Variants in FAF1 observed in about 807,000 individuals in gnomAD.
The protein encoded by FAF1 is Fas associated factor 1, also known as FAS-associated factor 1.
Under a neutral mutation model 92.5 loss-of-function variants are expected in FAF1, and 25 were observed. That is an observed-to-expected ratio of 0.27 (90% CI 0.20 to 0.38). FAF1 has a LOEUF of 0.38. Ranked by LOEUF, FAF1 falls within the 10% of genes least tolerant of loss-of-function variation. The pLI, the probability that FAF1 is intolerant of heterozygous loss-of-function variation, is 1.00. For missense variants in FAF1, 636 were observed against 793.3 expected (o/e 0.80, Z 2.38); for synonymous variants, 234 against 273.2 (o/e 0.86, Z 1.42).
At chr1:50,475,336 AAAG>A in intron 18 of FAF1, 125 bp downstream of exon 18, 2 of 705,906 alleles carry the variant, frequency 2.8e-6, no homozygotes, top group Non-Finnish European at 4.9e-6. Context: ...TGTGCAGAAC[AAAG>A]AAGGACTCCT....
At chr1:50,514,854 G>C (rs1647193228) in intron 15 of FAF1, among the ~76,000 whole-genome samples, 1 of 152,114 alleles carries the variant, frequency 6.6e-6, no homozygotes, top group South Asian at 2.1e-4. Context: ...TTATGTTAAG[G>C]CTAAACCAAT....
chr1:50,726,772 T>C (rs772051412), intron 6 of FAF1, among the ~76,000 whole-genome samples: 9 of 152,036 alleles, frequency 5.9e-5, no homozygotes, highest in Non-Finnish European at 1.2e-4. Flanking sequence ...GAACTTGTAG[T>C]GAGCTGAGAT....
At chr1:50,708,041 C>G (rs1014829655) in intron 6 of FAF1, among the ~76,000 whole-genome samples, 12 of 152,230 alleles carry the variant, frequency 7.9e-5, no homozygotes, top group Non-Finnish European at 1.3e-4. Flanking sequence ...AACTCCTGAC[C>G]TCGTGATCCA....
chr1:50,842,879 T>A (rs1301030880), intron 2 of FAF1, among the ~76,000 whole-genome samples: 1 of 152,188 alleles, frequency 6.6e-6, no homozygotes, highest in African/African-American at 2.4e-5. Flanking sequence ...CTGCAGATTA[T>A]CTGACTCCCA....
At chr1:50,468,961 T>C (rs1646535521) in intron 18 of FAF1, among the ~76,000 whole-genome samples, 2 of 152,328 alleles carry the variant, frequency 1.3e-5, no homozygotes, top group South Asian at 4.1e-4. Flanking sequence ...ACAAAATGAA[T>C]AACCTAAAGA....
At chr1:50,780,656 C>A in intron 4 of FAF1, 1 of 217,772 alleles carries the variant, frequency 4.6e-6, no homozygotes. Context: ...CTCACATCTT[C>A]ATCAGTATCA....
intron 4 of FAF1, among the ~76,000 whole-genome samples, chr1:50,751,557 T>C (rs1010302712): frequency 6.6e-6 from 1 of 152,196 alleles, no homozygotes. Flanking sequence ...TTGGCCAGAC[T>C]GGTCTTGAAC....
chr1:50,724,296 TACACAC>T (rs974347882), intron 6 of FAF1, among the ~76,000 whole-genome samples: 145 of 117,212 alleles, frequency 1.2e-3, no homozygotes, highest in African/African-American at 3.2e-3. Flanking sequence ...CACACACACA[TACACAC>T]ACACACACAC....
intron 1 of FAF1, among the ~76,000 whole-genome samples, chr1:50,861,717 A>T (rs927208749): frequency 3.3e-5 from 5 of 151,888 alleles, no homozygotes; most frequent in East Asian, 1.9e-4. Flanking sequence ...AAAGTTATTT[A>T]AAAAAAAGAT....
At chr1:50,514,220 C>G (rs1227551826) in intron 15 of FAF1, among the ~76,000 whole-genome samples, 1 of 152,164 alleles carries the variant, frequency 6.6e-6, no homozygotes, top group Non-Finnish European at 1.5e-5. Flanking sequence ...TCTTTTCAGA[C>G]CTTAAGCAAA....
chr1:50,486,857 T>C (rs1646775186), intron 17 of FAF1, among the ~76,000 whole-genome samples: 1 of 152,170 alleles, frequency 6.6e-6, no homozygotes, highest in South Asian at 2.1e-4. Flanking sequence ...TTTCTCTGCT[T>C]ACCAAAAACT....
intron 8 of FAF1, among the ~76,000 whole-genome samples, chr1:50,600,884 CTTG>C (rs1179789283): frequency 3.9e-5 from 6 of 152,114 alleles, no homozygotes; most frequent in East Asian, 1.9e-4. Context: ...ATGTAATTCA[CTTG>C]TTATCTTAAA....
rs143708047 is a variant in FAF1 at position 50,848,273 on chromosome 1, A to G, written c.114+9656T>C. Among the ~76,000 whole-genome samples, 85 of 152,392 alleles carry G rather than the reference A, an allele frequency of 5.6e-4. 2 individuals carry two copies. The East Asian group carries it at 0.016, about 29-fold the overall frequency. Reference sequence around the variant, plus strand: ...TAGCAAAATATTATGTTCCTGGCATATGCAAAAGTAAATTGCATGACAAAA... The same window carrying G: ...TAGCAAAATATTATGTTCCTGGCATGTGCAAAAGTAAATTGCATGACAAAA... On this transcript the variant is annotated intron_variant, in intron 2 of 18. Transcript: ENST00000396153.
chr1:50,536,658 T>C (rs893119589), intron 14 of FAF1, among the ~76,000 whole-genome samples: 9 of 152,156 alleles, frequency 5.9e-5, no homozygotes, highest in Non-Finnish European at 1.3e-4. Context: ...AATGCTATCT[T>C]GGCACTAAGA....
chr1:50,678,841 C>A (rs1656279978), intron 7 of FAF1, among the ~76,000 whole-genome samples: 1 of 140,338 alleles, frequency 7.1e-6, no homozygotes, highest in South Asian at 2.3e-4. Context: ...AATCCCAACA[C>A]TTTGGGAGGC....
chr1:50,688,327 T>C (rs1476134194), intron 7 of FAF1, among the ~76,000 whole-genome samples: 1 of 152,066 alleles, frequency 6.6e-6, no homozygotes, highest in Non-Finnish European at 1.5e-5. Flanking sequence ...GATTCAGCAA[T>C]CCCATTTCTT....
chr1:50,773,998 C>T (rs116052205), intron 4 of FAF1, among the ~76,000 whole-genome samples: 2,020 of 152,224 alleles, frequency 0.013, 42 homozygotes, highest in African/African-American at 0.044. Flanking sequence ...ATATTTCTAA[C>T]GCATAAATAA....
At chr1:50,757,206 T>C (rs976011177) in intron 4 of FAF1, among the ~76,000 whole-genome samples, 1 of 152,230 alleles carries the variant, frequency 6.6e-6, no homozygotes, top group Non-Finnish European at 1.5e-5. Context: ...AGAACATGTC[T>C]TTTGCTGTTA....
chr1:50,484,168 G>A (rs1646734440), intron 17 of FAF1, among the ~76,000 whole-genome samples: 2 of 152,142 alleles, frequency 1.3e-5, no homozygotes. Context: ...GATTTGACCC[G>A]ATTCTGCAGT....
Sources: allele counts gnomAD v4.1 joint callset (sites outside exome capture counted in the v4.1 genomes callset), GRCh38; gene constraint gnomAD v4.1.1; transcripts MANE v1.5; gene names NCBI Gene and HGNC (gene_info 2026-07-23, HGNC 2026-07-21).